Variants in DOCK4 observed in about 807,000 individuals in gnomAD.
The protein encoded by DOCK4 is dedicator of cytokinesis protein 4.
In DOCK4, 97 loss-of-function variants were observed where a neutral mutation model predicts 268.1. That is an observed-to-expected ratio of 0.36 (90% CI 0.31 to 0.43). The LOEUF (loss-of-function observed/expected upper bound fraction) is 0.43, where lower values mean the gene tolerates loss of function less well. Among genes scored for constraint, DOCK4 ranks in the 20% least tolerant of loss-of-function variants. The pLI, the probability that DOCK4 is intolerant of heterozygous loss-of-function variation, is 1.00. For missense variants in DOCK4, 2,145 were observed against 2,455.7 expected (o/e 0.87, Z 2.67); for synonymous variants, 954 against 887.2 (o/e 1.08, Z -1.34).
rs141819227 is a variant in DOCK4, at chr7:111,826,047, T to C, written c.2836-3591A>G. 1.6e-3 allele frequency among the ~76,000 whole-genome samples: 245 copies of C among 152,320 alleles called. 2 individuals carry two copies. The highest frequency in any genetic ancestry group is 5.6e-3 in the African/African-American group (232 of 41,564). On this transcript the variant is annotated intron_variant, in intron 26 of 52. Coordinates refer to ENST00000428084, the MANE Select transcript of DOCK4 (RefSeq NM_001363540.2). ...AGGTGTTTATGGAGTGTCTGGAACA[T>C]GCCACACAATAGTAAGTAGGTTAAA...
At chr7:111,961,973 A>G (rs561486308) in intron 8 of DOCK4, among the ~76,000 whole-genome samples, 1 of 152,316 alleles carries the variant, frequency 6.6e-6, no homozygotes, top group Admixed American at 6.5e-5. Flanking sequence ...TATATATACT[A>G]TATGCTAGAA....
chr7:112,001,913 C>T (rs1800454448), intron 2 of DOCK4, among the ~76,000 whole-genome samples: 1 of 152,164 alleles, frequency 6.6e-6, no homozygotes, highest in East Asian at 1.9e-4. Flanking sequence ...AATTTTGCAG[C>T]ACTATCCTTA....
At chr7:111,760,079 C>T (rs889411806) in intron 40 of DOCK4, 102 bp downstream of exon 40, 1 of 1,418,164 alleles carries the variant, frequency 7.1e-7, no homozygotes, top group Admixed American at 1.8e-5. Context: ...AACGATGTGG[C>T]TATTGAAAAG....
intron 12 of DOCK4, among the ~76,000 whole-genome samples, chr7:111,932,308 C>A (rs1794264843): frequency 6.6e-6 from 1 of 152,110 alleles, no homozygotes. Flanking sequence ...AGGTCAGGGA[C>A]TACATGTGAA....
intron 1 of DOCK4, among the ~76,000 whole-genome samples, chr7:112,171,974 G>T (rs1368740635): frequency 6.6e-6 from 1 of 152,110 alleles, no homozygotes; most frequent in African/African-American, 2.4e-5. Flanking sequence ...CGCATCCCTG[G>T]TGTCTCCTTG....
At chr7:111,975,358 A>G (rs1798085261) in intron 8 of DOCK4, among the ~76,000 whole-genome samples, 1 of 152,232 alleles carries the variant, frequency 6.6e-6, no homozygotes, top group South Asian at 2.1e-4. Context: ...TAGTTTATAA[A>G]GCATATTAAA....
At chr7:111,901,207 G>A (rs1004300138) in intron 14 of DOCK4, among the ~76,000 whole-genome samples, 5 of 151,812 alleles carry the variant, frequency 3.3e-5, no homozygotes, top group African/African-American at 9.7e-5. Flanking sequence ...GGTTACGCAC[G>A]CCTGTAATCC....
intron 1 of DOCK4, among the ~76,000 whole-genome samples, chr7:112,171,700 C>T: frequency 6.6e-6 from 1 of 152,186 alleles, no homozygotes; most frequent in East Asian, 1.9e-4. Context: ...GACATTTTCT[C>T]CACATCAGTA....
chr7:112,019,615 A>C (rs141127298), intron 1 of DOCK4, among the ~76,000 whole-genome samples: 20 of 152,294 alleles, frequency 1.3e-4, no homozygotes, highest in Admixed American at 2.0e-4. Context: ...TATATGCTTA[A>C]AAATTCTGAG....
chr7:111,771,055 G>A (rs778171995), intron 36 of DOCK4, among the ~76,000 whole-genome samples: 1 of 152,174 alleles, frequency 6.6e-6, no homozygotes. Flanking sequence ...CATTCAGTTT[G>A]CACAGTTAGC....
intron 35 of DOCK4, among the ~76,000 whole-genome samples, chr7:111,778,860 T>A (rs1378041581): frequency 6.6e-6 from 1 of 151,964 alleles, no homozygotes; most frequent in African/African-American, 2.4e-5. Context: ...ATTGAAACCA[T>A]CCTGGCCAAC....
chr7:111,943,920 G>A (rs1795403532), intron 10 of DOCK4, among the ~76,000 whole-genome samples: 1 of 152,180 alleles, frequency 6.6e-6, no homozygotes, highest in East Asian at 1.9e-4. Context: ...TCACCTTGCA[G>A]GACTACATGG....
Position 111,767,093 on chromosome 7 carries a change from C to T in DOCK4, c.3854G>A (p.Cys1285Tyr). The T allele has an allele frequency of 6.2e-7, 1 of 1,613,708 alleles. No homozygotes were observed. The highest frequency in any genetic ancestry group is 8.5e-7 in the Non-Finnish European group (1 of 1,179,796). ...GKCWENGIIL[C>Y]RKIAEQYESY... ...CTCATACTGCTCTGCAATCTTCCGG[C>T]ACAAGATAATGCCATTCTCCCAACA... The change falls in exon 38 of 53, where the codon TGC becomes TAC. Residue 1285 changes from cysteine to tyrosine, a missense_variant. By Grantham distance (194) the Cys-to-Tyr change is radical (BLOSUM62 -2). Coordinates refer to ENST00000428084, the MANE Select transcript of DOCK4 (RefSeq NM_001363540.2).
At position 112,075,753 on chromosome 7, in the gene DOCK4, A is replaced by G. The variant is rs80206991; in HGVS notation, c.38-71622T>C. 4.9e-3 allele frequency among the ~76,000 whole-genome samples: 752 copies of G among 152,292 alleles called. 3 individuals carry two copies. The highest frequency in any genetic ancestry group is 7.7e-3 in the Admixed American group (117 of 15,280). On this transcript the variant is annotated intron_variant, in intron 1 of 52. Coordinates refer to ENST00000428084, the MANE Select transcript of DOCK4 (RefSeq NM_001363540.2). ...CAATGAAACTTTTGATAGTGCAAAC[A>G]TAAGTAGGGCTAAACTTTGTCCTTA...
At chr7:112,089,645 A>G (rs1809441313) in intron 1 of DOCK4, among the ~76,000 whole-genome samples, 1 of 152,132 alleles carries the variant, frequency 6.6e-6, no homozygotes, top group South Asian at 2.1e-4. Context: ...TGACTGGATC[A>G]TGGGGATGGA....
At chr7:111,782,364 A>C (rs942430348) in intron 35 of DOCK4, among the ~76,000 whole-genome samples, 1 of 152,218 alleles carries the variant, frequency 6.6e-6, no homozygotes, top group Non-Finnish European at 1.5e-5. Flanking sequence ...CAATTTGCAA[A>C]AAAGCTAGAG....
At chr7:111,901,636 T>A (rs12154775) in intron 14 of DOCK4, 41 bp downstream of exon 14, 10 of 1,600,052 alleles carry the variant, frequency 6.2e-6, no homozygotes, top group Non-Finnish European at 8.5e-6. Context: ...AAAGCAATTA[T>A]ACAGACTTGT....
At chr7:112,027,420 T>C (rs531965952) in intron 1 of DOCK4, among the ~76,000 whole-genome samples, 22 of 152,284 alleles carry the variant, frequency 1.4e-4, no homozygotes, top group African/African-American at 4.8e-4. Context: ...AGACAGGGTT[T>C]CACCATGTTG....
chr7:111,809,496 G>A, intron 28 of DOCK4, 95 bp from the exon 29 acceptor site: 3 of 1,068,146 alleles, frequency 2.8e-6, no homozygotes, highest in Non-Finnish European at 4.2e-6. Flanking sequence ...AAAAGTGGTT[G>A]AGGGTATAGT....
Sources: gnomAD v4.1 joint callset for allele counts (sites outside exome capture counted in the v4.1 genomes callset) on GRCh38, gnomAD v4.1.1 for gene constraint, MANE v1.5 for transcripts, NCBI Gene and HGNC (gene_info 2026-07-23, HGNC 2026-07-21) for gene names.